The following KCNC2 variants were observed in gnomAD, a reference collection of about 807,000 sequenced individuals.
The protein encoded by KCNC2 is voltage-gated potassium channel KCNC2.
KCNC2 carries 21 observed loss-of-function variants against 44.5 expected under a neutral mutation model. That is an observed-to-expected ratio of 0.47 (90% CI 0.33 to 0.68). The LOEUF (loss-of-function observed/expected upper bound fraction) is 0.68. Among genes scored for constraint, KCNC2 ranks in the 30% least tolerant of loss-of-function variants. KCNC2 has a pLI of 0.01. For synonymous variants in KCNC2, 391 were observed against 339.1 expected (o/e 1.15, Z -1.68); for missense variants, 589 against 826.2 (o/e 0.71, Z 3.52).
rs903317693 is a variant in KCNC2 at position 75,051,134 on chromosome 12, C to A, written c.871G>T (p.Val291Leu). The A allele has an allele frequency of 2.5e-6, 4 of 1,613,836 alleles. No individual in the cohort carries two copies. In the East Asian group the frequency reaches 6.7e-5, roughly 27 times the overall value. ...ACTAAAAATTCAAAAGTAAACCACACCACACACACTCCTTCTACATACGTC... is the reference window on the plus strand; with the variant it reads ...ACTAAAAATTCAAAAGTAAACCACAACACACACACTCCTTCTACATACGTC... ...ALTYVEGVCV[V>L]WFTFEFLVRI... Residue 291 changes from valine (V) to leucine (L), a missense_variant, in exon 3 of 5, where the codon GTG becomes TTG. Physicochemically the swap from Val to Leu is conservative, Grantham distance 32 (BLOSUM62 1). Transcript: ENST00000549446.
intron 2 of KCNC2, among the ~76,000 whole-genome samples, chr12:75,122,361 A>T (rs1565872525): frequency 6.6e-6 from 1 of 152,322 alleles, no homozygotes; most frequent in Non-Finnish European, 1.5e-5. Context: ...TTTATAAGGT[A>T]GAAAGAGAAG....
intron 2 of KCNC2, among the ~76,000 whole-genome samples, chr12:75,192,731 A>C (rs1278577690): frequency 6.6e-6 from 1 of 152,220 alleles, no homozygotes; most frequent in African/African-American, 2.4e-5. Flanking sequence ...GAAAAGAAGA[A>C]GAAACATTGC....
intron 2 of KCNC2, among the ~76,000 whole-genome samples, chr12:75,143,787 C>A (rs1436531303): frequency 1.3e-5 from 2 of 152,072 alleles, no homozygotes; most frequent in Non-Finnish European, 2.9e-5. Flanking sequence ...CTTCTACCTG[C>A]AAAAATAATA....
intron 2 of KCNC2, among the ~76,000 whole-genome samples, chr12:75,070,312 A>T (rs182750341): frequency 3.7e-4 from 56 of 151,454 alleles, no homozygotes; most frequent in African/African-American, 1.3e-3. Context: ...TTAGCCAGTC[A>T]TGGTGGTGCC....
intron 2 of KCNC2, among the ~76,000 whole-genome samples, chr12:75,202,716 T>C (rs1207621063): frequency 6.7e-6 from 1 of 150,312 alleles, no homozygotes; most frequent in Non-Finnish European, 1.5e-5. Flanking sequence ...TGTAATAAAA[T>C]AAAGACCAAT....
chr12:75,093,534 A>G lies in KCNC2; in HGVS notation c.688-42217T>C, dbSNP rs376056332. On this transcript the variant is annotated intron_variant, in intron 2 of 4. Coordinates refer to ENST00000549446, the MANE Select transcript of KCNC2 (RefSeq NM_139137.4). ...CCCGAAGCTCCATTACAGCTTATTC[A>G]TAAATGAAGCATTAATTTTGTCTAG... Among the ~76,000 whole-genome samples the G allele has an allele frequency of 2.2e-4, 33 of 151,838 alleles. No homozygotes were observed. The East Asian group carries it at 5.4e-3, about 25-fold the overall frequency.
intron 2 of KCNC2, among the ~76,000 whole-genome samples, chr12:75,074,232 ATTTTTT>A (rs5799196): frequency 1.1e-5 from 1 of 94,832 alleles, no homozygotes; most frequent in Non-Finnish European, 2.1e-5. Context: ...CTACTCATAG[ATTTTTT>A]TTTTTTTTTT....
intron 2 of KCNC2, among the ~76,000 whole-genome samples, chr12:75,150,124 T>C (rs552860021): frequency 2.0e-5 from 3 of 151,976 alleles, no homozygotes; most frequent in East Asian, 3.9e-4. Context: ...TTCTACTAAA[T>C]ACATATTCCT....
chr12:75,144,722 C>A (rs1370327059), intron 2 of KCNC2, among the ~76,000 whole-genome samples: 1 of 151,914 alleles, frequency 6.6e-6, no homozygotes, highest in Non-Finnish European at 1.5e-5. Flanking sequence ...TATAGCCTAA[C>A]TTTATAAATA....
chr12:75,077,197 A>G (rs1884064732), intron 2 of KCNC2, among the ~76,000 whole-genome samples: 1 of 152,184 alleles, frequency 6.6e-6, no homozygotes, highest in African/African-American at 2.4e-5. Context: ...CATGTACACC[A>G]CGAGGACTAG....
intron 2 of KCNC2, among the ~76,000 whole-genome samples, chr12:75,176,374 T>C (rs1477149473): frequency 6.6e-6 from 1 of 152,038 alleles, no homozygotes; most frequent in African/African-American, 2.4e-5. Context: ...AGCCAGATCA[T>C]GCCATTCCTC....
At chr12:75,058,204 C>T (rs1881948559) in intron 2 of KCNC2, among the ~76,000 whole-genome samples, 2 of 151,938 alleles carry the variant, frequency 1.3e-5, no homozygotes, top group East Asian at 1.9e-4. Flanking sequence ...TGTTTCATTA[C>T]ACTGAAGAAA....
chr12:75,133,664 T>A (rs1402256133), intron 2 of KCNC2, among the ~76,000 whole-genome samples: 1 of 151,974 alleles, frequency 6.6e-6, no homozygotes, highest in Non-Finnish European at 1.5e-5. Flanking sequence ...AATGGCAAAA[T>A]TTAACTTTCA....
At chr12:75,171,947 T>A (rs1277482156) in intron 2 of KCNC2, among the ~76,000 whole-genome samples, 1 of 151,762 alleles carries the variant, frequency 6.6e-6, no homozygotes, top group Non-Finnish European at 1.5e-5. Context: ...TTATCATTTG[T>A]TCTCTTCTAT....
At chr12:75,186,659 T>G (rs1021124561) in intron 2 of KCNC2, among the ~76,000 whole-genome samples, 1 of 152,232 alleles carries the variant, frequency 6.6e-6, no homozygotes, top group African/African-American at 2.4e-5. Context: ...GAAACAATTT[T>G]GCCAATTACA....
chr12:75,041,543 C>T lies in KCNC2; in HGVS notation c.*1562G>A, dbSNP rs887865369. ...ATTATTTATCCCTCTATTTATATTACGGTCTTTTTCTTCCCTCACATGCTC... is the reference window on the plus strand; with the variant it reads ...ATTATTTATCCCTCTATTTATATTATGGTCTTTTTCTTCCCTCACATGCTC... On this transcript the variant is annotated 3_prime_UTR_variant, in exon 5 of 5. Transcript: ENST00000549446. 18 of 1,113,482 alleles carry T rather than the reference C, an allele frequency of 1.6e-5. No homozygotes were observed. Among genetic ancestry groups the T allele is most frequent in the South Asian group, 1.2e-4 (5 of 40,398 alleles). The allele number at this position is 1,113,482 out of a possible 1,614,324, so 69.0% of individuals were successfully genotyped here.
At chr12:75,190,652 A>G (rs942922144) in intron 2 of KCNC2, among the ~76,000 whole-genome samples, 2 of 152,204 alleles carry the variant, frequency 1.3e-5, no homozygotes, top group Non-Finnish European at 2.9e-5. Context: ...ATCCTCGGAT[A>G]TATGAAGACA....
chr12:75,173,371 A>G (rs1029068644), intron 2 of KCNC2, among the ~76,000 whole-genome samples: 1 of 152,046 alleles, frequency 6.6e-6, no homozygotes, highest in Admixed American at 6.6e-5. Flanking sequence ...AATTGAAATT[A>G]TCTTACAACA....
chr12:75,133,887 A>G (rs1201129554), intron 2 of KCNC2, among the ~76,000 whole-genome samples: 1 of 151,834 alleles, frequency 6.6e-6, no homozygotes, highest in African/African-American at 2.4e-5. Flanking sequence ...TTTAAATAGA[A>G]TAACAGGGAT....
Sources: allele counts gnomAD v4.1 joint callset (sites outside exome capture counted in the v4.1 genomes callset), GRCh38; gene constraint gnomAD v4.1.1; transcripts MANE v1.5; gene names NCBI Gene and HGNC (gene_info 2026-07-23, HGNC 2026-07-21).